MIGA1: variants seen among roughly 807,000 people sequenced by gnomAD.
The protein encoded by MIGA1 is family with sequence similarity 73, member A.
Under a neutral mutation model 82.0 loss-of-function variants are expected in MIGA1, and 58 were observed. That is an observed-to-expected ratio of 0.71 (90% confidence interval 0.57 to 0.88). The LOEUF (loss-of-function observed/expected upper bound fraction) is 0.88. Among genes scored for constraint, MIGA1 ranks in the 40% least tolerant of loss-of-function variants. The pLI is 0.00. For missense variants in MIGA1, 751 were observed against 749.1 expected, an observed-to-expected ratio of 1.00 and a Z score of -0.03; for synonymous variants, 249 against 253.6, an observed-to-expected ratio of 0.98 and a Z score of 0.17.
rs1220988938 is a variant in MIGA1, at chr1:77,859,067, A to C, written c.1115+11A>C. The C allele has an allele frequency of 1.3e-6, 2 of 1,490,730 alleles. No homozygotes were observed. The highest frequency in any genetic ancestry group is 2.8e-5 in the African/African-American group (2 of 72,326). The allele number at this position is 1,490,730 out of a possible 1,614,324, so 92.3% of individuals were successfully genotyped here. The stretch of plus-strand genomic sequence containing the variant: ...CTCCAGAGTACTGAGGTACCATTTC[A>C]GTTTTGTTTATGTTTATGAAGGATA... On this transcript the variant is annotated intron_variant, in intron 9 of 15. Coordinates refer to ENST00000370791, the MANE Select transcript of MIGA1 (RefSeq NM_198549.4).
At chr1:77,857,505 G>A (rs1685306294) in intron 8 of MIGA1, among the ~76,000 whole-genome samples, 1 of 151,916 alleles carries the variant, frequency 6.6e-6, no homozygotes, top group Non-Finnish European at 1.5e-5. Flanking sequence ...ATGAGCCACT[G>A]CACCTGGCCC....
chr1:77,834,163 A>C (rs1042032194), intron 7 of MIGA1, among the ~76,000 whole-genome samples: 4 of 151,796 alleles, frequency 2.6e-5, no homozygotes, highest in African/African-American at 9.7e-5. Context: ...CCACCACCTC[A>C]TCATATATAA....
chr1:77,843,682 G>A (rs186365272), intron 8 of MIGA1, among the ~76,000 whole-genome samples: 15 of 152,144 alleles, frequency 9.9e-5, no homozygotes, highest in African/African-American at 2.9e-4. Context: ...GTATGTTAAT[G>A]GAAAGCAATT....
At chr1:77,874,549 T>A (rs1646878750) in intron 15 of MIGA1, among the ~76,000 whole-genome samples, 1 of 152,158 alleles carries the variant, frequency 6.6e-6, no homozygotes, top group African/African-American at 2.4e-5. Context: ...TATCTTTTTT[T>A]AAATGTTTCC....
Position 77,878,475 on chromosome 1 carries a change from A to G in MIGA1, c.*3411A>G, listed in dbSNP as rs1374551449. 5.4e-6 allele frequency: 1 copy of G among 185,148 alleles called. No homozygotes were observed. The highest frequency in any genetic ancestry group is 1.1e-5 in the Non-Finnish European group (1 of 90,478). The allele number at this position is 185,148 out of a possible 1,614,324, so 11.5% of individuals were successfully genotyped here. A position where few individuals can be genotyped will look rare whatever the true frequency, so the allele number is the denominator to read the frequency against. ...AAAATTGGGTTAAATAGCAAAAGCA[A>G]TGTCTTTAAAAATGATTAGTTTAGA... On this transcript the variant is annotated 3_prime_UTR_variant, in exon 16 of 16. Transcript: ENST00000370791.
rs1476540974 is a variant in MIGA1, at chr1:77,861,209, T to G, written c.1276-15T>G. 15 of 1,517,294 alleles carry G rather than the reference T, an allele frequency of 9.9e-6. No individual in the cohort carries two copies. The Admixed American group carries it at 2.6e-4, about 26-fold the overall frequency. 94.0% of individuals were successfully genotyped at this position (1,517,294 alleles called of 1,614,324 possible). ...TAAAGTTGAGTTTAGGGTTAAAATG[T>G]GTTTTCTTCTTCAGAATCCAAAGAA... On this transcript the variant is annotated splice_polypyrimidine_tract_variant and intron_variant, in intron 11 of 15. Transcript: ENST00000370791.
chr1:77,867,405 G>T (rs1685712787), intron 14 of MIGA1, among the ~76,000 whole-genome samples: 1 of 152,186 alleles, frequency 6.6e-6, no homozygotes, highest in Non-Finnish European at 1.5e-5. Context: ...GCTCACTGCA[G>T]CCTCTATAAC....
rs187929793 is a variant in MIGA1 at position 77,820,474 on chromosome 1, G to A, written c.895+5243G>A. ...TCCTCTTCTGAAAAATTAACATATA[G>A]AGTACCAATTTTATAAACTGAGGAT... On this transcript the variant is annotated intron_variant, in intron 7 of 15. Coordinates refer to ENST00000370791, the MANE Select transcript of MIGA1 (RefSeq NM_198549.4). Among the ~76,000 whole-genome samples the A allele has an allele frequency of 7.9e-5, 12 of 152,220 alleles. No individual in the cohort carries two copies. The East Asian group carries it at 2.1e-3, about 27-fold the overall frequency.
intron 2 of MIGA1, among the ~76,000 whole-genome samples, chr1:77,791,243 TAAAAA>T (rs757682711): frequency 3.4e-5 from 4 of 116,948 alleles, no homozygotes; most frequent in Non-Finnish European, 3.6e-5. Flanking sequence ...CCCTGTCTCT[TAAAAA>T]AAAAAAAAAA....
At chr1:77,857,026 C>T (rs1408094615) in intron 8 of MIGA1, among the ~76,000 whole-genome samples, 3 of 152,088 alleles carry the variant, frequency 2.0e-5, no homozygotes, top group Non-Finnish European at 4.4e-5. Context: ...TATGAACTTT[C>T]CTCTTAGTAC....
At chr1:77,815,254 CT>C in intron 7 of MIGA1, 23 bp downstream of exon 7, 1 of 1,534,518 alleles carries the variant, frequency 6.5e-7, no homozygotes, top group South Asian at 1.3e-5. Context: ...TTTCATATGG[CT>C]TTTATGAAAT....
rs767825659 is a variant in MIGA1, at chr1:77,815,080, G to T, written c.772-28G>T. 4.2e-6 allele frequency: 6 copies of T among 1,418,328 alleles called. No homozygotes were observed. In the East Asian group the frequency reaches 1.2e-4, roughly 29 times the overall value. The allele number at this position is 1,418,328 out of a possible 1,614,324, so 87.9% of individuals were successfully genotyped here. On this transcript the variant is annotated intron_variant, in intron 6 of 15. Coordinates refer to ENST00000370791, the MANE Select transcript of MIGA1 (RefSeq NM_198549.4). ...GAATTTTAACATTAGAATTTAATTT[G>T]TTCTGTGTACTTTTTCTCTCCTTGT...
At chr1:77,797,532 C>T (rs1274871738) in intron 2 of MIGA1, among the ~76,000 whole-genome samples, 1 of 151,998 alleles carries the variant, frequency 6.6e-6, no homozygotes, top group Non-Finnish European at 1.5e-5. Context: ...AAAAATTTTT[C>T]TGGGTTTTTT....
intron 14 of MIGA1, among the ~76,000 whole-genome samples, chr1:77,871,135 G>GGAGAGT (rs1685979535): frequency 6.7e-6 from 1 of 149,008 alleles, no homozygotes. Context: ...GGAGGGAGAG[G>GGAGAGT]GAGAGGGCAG....
intron 5 of MIGA1, among the ~76,000 whole-genome samples, chr1:77,808,026 G>A (rs574897933): frequency 1.3e-5 from 2 of 151,954 alleles, no homozygotes; most frequent in Admixed American, 1.3e-4. Context: ...CACCATGTTA[G>A]CCAGGCTGGT....
chr1:77,796,342 T>G (rs1440925629), intron 2 of MIGA1, among the ~76,000 whole-genome samples: 1 of 151,970 alleles, frequency 6.6e-6, no homozygotes, highest in African/African-American at 2.4e-5. Flanking sequence ...ATGGTCTCGA[T>G]CTCCTGACCT....
chr1:77,823,568 G>GT (rs935673239), intron 7 of MIGA1, among the ~76,000 whole-genome samples: 2 of 152,034 alleles, frequency 1.3e-5, no homozygotes, highest in African/African-American at 2.4e-5. Context: ...TTTGTTTTGG[G>GT]TTTTTTGGTT....
chr1:77,782,689 C>T (rs1225904319), intron 1 of MIGA1, among the ~76,000 whole-genome samples: 1 of 152,072 alleles, frequency 6.6e-6, no homozygotes, highest in Non-Finnish European at 1.5e-5. Context: ...ATACCAAAAT[C>T]ATATAGCATA....
intron 7 of MIGA1, among the ~76,000 whole-genome samples, chr1:77,833,873 C>T (rs751085450): frequency 4.6e-5 from 7 of 152,198 alleles, no homozygotes; most frequent in Non-Finnish European, 8.8e-5. Flanking sequence ...TGTTACTCTT[C>T]TAAAGTGTTT....
Sources: allele counts gnomAD v4.1 joint callset (sites outside exome capture counted in the v4.1 genomes callset), GRCh38; gene constraint gnomAD v4.1.1; transcripts MANE v1.5; gene names NCBI Gene and HGNC (gene_info 2026-07-23, HGNC 2026-07-21).